SNX6: variants seen among roughly 807,000 people sequenced by gnomAD.
SNX6 encodes the protein sorting nexin-6.
SNX6 carries 34 observed loss-of-function variants against 63.0 expected under a neutral mutation model. The ratio of observed to expected loss-of-function variants is 0.54; its 90% CI spans 0.41 to 0.72. The LOEUF (loss-of-function observed/expected upper bound fraction) is 0.72. Ranked by LOEUF, SNX6 falls within the 30% of genes least tolerant of loss-of-function variation. The pLI, the probability that SNX6 is intolerant of heterozygous loss-of-function variation, is 0.00. For synonymous variants in SNX6, 170 were observed against 164.2 expected, an observed-to-expected ratio of 1.04 and a Z score of -0.27; for missense variants, 398 against 471.4, an observed-to-expected ratio of 0.84 and a Z score of 1.44.
intron 4 of SNX6, among the ~76,000 whole-genome samples, chr14:34,606,453 CTTTTT>C (rs56390466): frequency 7.1e-6 from 1 of 141,618 alleles, no homozygotes; most frequent in Admixed American, 7.0e-5. Context: ...TCCAACTCTT[CTTTTT>C]TTTTTTTTGG....
At chr14:34,620,833 C>T (rs1454643671) in intron 2 of SNX6, among the ~76,000 whole-genome samples, 1 of 151,824 alleles carries the variant, frequency 6.6e-6, no homozygotes, top group African/African-American at 2.4e-5. Context: ...CCCAGCTACT[C>T]AGGAAGCTGA....
chr14:34,616,157 T>C (rs564122477), intron 2 of SNX6, among the ~76,000 whole-genome samples: 1 of 152,106 alleles, frequency 6.6e-6, no homozygotes, highest in South Asian at 2.1e-4. Flanking sequence ...GGTTTCACAA[T>C]GTTGGCCAGG....
chr14:34,592,249 G>A (rs1250962609), intron 8 of SNX6, among the ~76,000 whole-genome samples: 7 of 152,138 alleles, frequency 4.6e-5, no homozygotes, highest in Admixed American at 3.9e-4. Context: ...AGCCAGGCGC[G>A]GTGGCAGGTG....
At chr14:34,566,102 T>TA (rs1268484941) in intron 13 of SNX6, among the ~76,000 whole-genome samples, 3 of 150,916 alleles carry the variant, frequency 2.0e-5, no homozygotes, top group East Asian at 1.9e-4. Flanking sequence ...AGCCTCTCTT[T>TA]AAAAAAAAAG....
At chr14:34,629,784 G>T in intron 2 of SNX6, 123 bp downstream of exon 2, 3 of 1,437,932 alleles carry the variant, frequency 2.1e-6, no homozygotes, top group Middle Eastern at 2.4e-4. Flanking sequence ...CGAGGAAACC[G>T]AAAGGAGGAC....
At chr14:34,592,248 C>T (rs559188210) in intron 8 of SNX6, among the ~76,000 whole-genome samples, 9 of 152,106 alleles carry the variant, frequency 5.9e-5, no homozygotes, top group East Asian at 5.8e-4. Context: ...TAGCCAGGCG[C>T]GGTGGCAGGT....
At position 34,605,669 on chromosome 14, in the gene SNX6, G is replaced by A. The variant is rs766821175; in HGVS notation, c.319C>T (p.Leu107=). 11 of 1,610,856 alleles carry A rather than the reference G, an allele frequency of 6.8e-6. No individual in the cohort carries two copies. The highest frequency in any genetic ancestry group is 9.3e-6 in the Non-Finnish European group (11 of 1,178,882). Residue 107 remains leucine (L), a synonymous_variant, in exon 5 of 14, where the codon CTA becomes TTA. Transcript: ENST00000362031. ...CCTTCTCCTTCACCAAGCTTCTGTA[G>A]TTTTTCCCTTGAAGCATCAAAATCA... ...RPDFDASREK[L]QKLGEGEGSM...
intron 11 of SNX6, among the ~76,000 whole-genome samples, chr14:34,569,421 G>GGT: frequency 6.9e-6 from 1 of 144,058 alleles, no homozygotes; most frequent in East Asian, 2.0e-4. Flanking sequence ...TTCTGGACAT[G>GGT]TTTTTTTTTT....
At chr14:34,564,756 G>A (rs1336635788) in intron 13 of SNX6, among the ~76,000 whole-genome samples, 1 of 151,540 alleles carries the variant, frequency 6.6e-6, no homozygotes, top group Non-Finnish European at 1.5e-5. Flanking sequence ...GAACCCGGGA[G>A]GCAGAGGTTG....
At chr14:34,598,394 A>C (rs2138332416) in intron 6 of SNX6, among the ~76,000 whole-genome samples, 1 of 152,216 alleles carries the variant, frequency 6.6e-6, no homozygotes, top group African/African-American at 2.4e-5. Context: ...TCACAGGATG[A>C]AAAAAATTTT....
chr14:34,630,117 G>A lies in SNX6; in HGVS notation c.-1C>T, dbSNP rs916814693. The A allele has an allele frequency of 1.2e-5, 17 of 1,378,992 alleles. No individual in the cohort carries two copies. In the African/African-American group the frequency reaches 1.8e-4, roughly 15 times the overall value. The allele number at this position is 1,378,992 out of a possible 1,614,324, so 85.4% of individuals were successfully genotyped here. Reference sequence around the variant, plus strand: ...CGCCGCGGAGAACACCCACCATCATGGCTGCTCCGAGGCGAGGGCCGGCGC... The same window carrying A: ...CGCCGCGGAGAACACCCACCATCATAGCTGCTCCGAGGCGAGGGCCGGCGC... On this transcript the variant is annotated 5_prime_UTR_variant, in exon 1 of 14. Transcript: ENST00000362031.
chr14:34,587,760 T>G (rs1882234566), intron 8 of SNX6, among the ~76,000 whole-genome samples: 1 of 150,420 alleles, frequency 6.6e-6, no homozygotes, highest in Non-Finnish European at 1.5e-5. Flanking sequence ...GCCTCCCAAG[T>G]AGCTGGGACC....
intron 2 of SNX6, among the ~76,000 whole-genome samples, chr14:34,612,031 G>A (rs1392673690): frequency 5.3e-5 from 8 of 152,038 alleles, no homozygotes; most frequent in Admixed American, 1.3e-4. Context: ...CGCCCGCCTC[G>A]GCCTCCCAAA....
At chr14:34,600,965 T>G (rs1882787529) in intron 6 of SNX6, among the ~76,000 whole-genome samples, 1 of 150,398 alleles carries the variant, frequency 6.6e-6, no homozygotes, top group South Asian at 2.1e-4. Flanking sequence ...TTGTACTGAG[T>G]CGATACAGTG....
At chr14:34,596,976 C>G (rs529718987) in intron 7 of SNX6, among the ~76,000 whole-genome samples, 1 of 152,222 alleles carries the variant, frequency 6.6e-6, no homozygotes, top group African/African-American at 2.4e-5. Flanking sequence ...CCGGCCTCAA[C>G]TGAGATCTTC....
chr14:34,603,392 T>A lies in SNX6; in HGVS notation c.472A>T (p.Arg158Ter), dbSNP rs1296521630. 6.2e-7 allele frequency: 1 copy of A among 1,610,828 alleles called. No individual in the cohort carries two copies. Among genetic ancestry groups the A allele is most frequent in the Non-Finnish European group, 8.5e-7 (1 of 1,178,448 alleles). The change falls in exon 6 of 14, where the codon AGA (arginine) becomes TGA (stop). Residue 158 changes from arginine (R) to a stop codon, truncating the protein, a stop_gained. Coordinates refer to ENST00000362031, the MANE Select transcript of SNX6 (RefSeq NM_152233.4). LOFTEE classifies it high-confidence loss of function. ...AAGACATGGAAATTTAAATCTCTTC[T>A]CAAAATAGGATGTGCTGCCACACGA... ...LCRVAAHPIL[R>*]RDLNFHVFLE...
chr14:34,606,453 C>CA (rs1555327564), intron 4 of SNX6, among the ~76,000 whole-genome samples: 1 of 141,618 alleles, frequency 7.1e-6, no homozygotes, highest in African/African-American at 2.6e-5. Flanking sequence ...TCCAACTCTT[C>CA]TTTTTTTTTT....
chr14:34,572,815 G>A (rs1881508386), intron 11 of SNX6, among the ~76,000 whole-genome samples: 1 of 151,678 alleles, frequency 6.6e-6, no homozygotes, highest in Admixed American at 6.6e-5. Context: ...CGACTAGCTG[G>A]GACTACAGGC....
intron 11 of SNX6, among the ~76,000 whole-genome samples, chr14:34,572,578 TG>T (rs1175050396): frequency 6.6e-6 from 1 of 152,206 alleles, no homozygotes; most frequent in Non-Finnish European, 1.5e-5. Context: ...AGTGATCAGG[TG>T]GGAATTTTGT....
Sources: allele counts gnomAD v4.1 joint callset (sites outside exome capture counted in the v4.1 genomes callset), GRCh38; gene constraint gnomAD v4.1.1; transcripts MANE v1.5; gene names NCBI Gene and HGNC (gene_info 2026-07-23, HGNC 2026-07-21).